The following PCDHA7 variants were observed in gnomAD, a reference collection of about 807,000 sequenced individuals.
PCDHA7 encodes protocadherin alpha 7, also known as protocadherin alpha-7.
A neutral mutation model predicts 57.2 loss-of-function variants in PCDHA7; 37 were observed. The observed-to-expected ratio is 0.65, with a 90% CI of 0.50 to 0.85. The LOEUF (loss-of-function observed/expected upper bound fraction) is 0.85, where lower values mean the gene tolerates loss of function less well. PCDHA7 is among the 40% of genes least tolerant of loss of function. The probability of loss-of-function intolerance (pLI) is 0.00; values close to 1 mark genes in which losing one functional copy is unlikely to be tolerated. For synonymous variants in PCDHA7, 553 were observed against 558.8 expected, an observed-to-expected ratio of 0.99 and a Z score of 0.15; for missense variants, 1,188 against 1,241.8, an observed-to-expected ratio of 0.96 and a Z score of 0.65.
At chr5:140,992,038 TG>T (rs2097488764) in intron 3 of PCDHA7, among the ~76,000 whole-genome samples, 1 of 151,828 alleles carries the variant, frequency 6.6e-6, no homozygotes, top group African/African-American at 2.4e-5. Context: ...TGTGTGTGTG[TG>T]TGTGTGTGTG....
rs1254354370 is a variant in PCDHA7, at chr5:140,853,174, T to C, written c.2355+16436T>C. Reference sequence around the variant, plus strand: ...GATTACAGGCGTGAGCCACCGCGCCTGGCCTAAAATGTGTTCTTTATTATT... The same window carrying C: ...GATTACAGGCGTGAGCCACCGCGCCCGGCCTAAAATGTGTTCTTTATTATT... On this transcript the variant is annotated intron_variant, in intron 1 of 3. Coordinates refer to ENST00000525929, the MANE Select transcript of PCDHA7 (RefSeq NM_018910.3). 56 of 970,124 alleles carry C rather than the reference T, an allele frequency of 5.8e-5. 5 individuals carry two copies. Among genetic ancestry groups the C allele is most frequent in the Non-Finnish European group, 6.7e-5 (54 of 803,994 alleles). 60.1% of individuals were successfully genotyped at this position (970,124 alleles called of 1,614,324 possible). A position where few individuals can be genotyped will look rare whatever the true frequency, so the allele number is the denominator to read the frequency against.
At chr5:140,882,252 G>C (rs782433822) in intron 1 of PCDHA7, 1 of 1,597,600 alleles carries the variant, frequency 6.3e-7, no homozygotes, top group Non-Finnish European at 8.5e-7. Context: ...ATAGCTCTGA[G>C]GTTTTTGGAG....
At chr5:140,923,299 G>A (rs921157994) in intron 1 of PCDHA7, among the ~76,000 whole-genome samples, 17 of 152,330 alleles carry the variant, frequency 1.1e-4, no homozygotes, top group Middle Eastern at 3.4e-3. Context: ...TTAGCTGGGC[G>A]TGGGGGCGCT....
At chr5:140,854,696 T>C (rs190246288) in intron 1 of PCDHA7, 1 of 150,200 alleles carries the variant, frequency 6.7e-6, no homozygotes, top group East Asian at 1.9e-4. Flanking sequence ...TTGTTAAGTT[T>C]TCCTTTCTTG....
intron 3 of PCDHA7, among the ~76,000 whole-genome samples, chr5:140,984,944 TC>T (rs1554246626): frequency 6.6e-6 from 1 of 151,930 alleles, no homozygotes; most frequent in Non-Finnish European, 1.5e-5. Flanking sequence ...AAATGTCTAA[TC>T]TTTTTTTTTT....
At chr5:140,949,237 A>G (rs1239213091) in intron 1 of PCDHA7, among the ~76,000 whole-genome samples, 1 of 151,790 alleles carries the variant, frequency 6.6e-6, no homozygotes, top group South Asian at 2.1e-4. Context: ...GTGGCCCAGC[A>G]ACAGTCTATC....
chr5:140,835,535 G>A lies in PCDHA7; in HGVS notation c.1152G>A (p.Gln384=). Residue 384 remains glutamine (Q), a synonymous_variant, in exon 1 of 4, where the codon CAG becomes CAA. Transcript: ENST00000525929. ...ACCGAGATTTTGGAGTCAACGGACA[G>A]GTTACCTGCTCCCTGACGCCCCGCG... The part of the protein sequence containing the change: ...VFDRDFGVNG[Q]VTCSLTPRVP... 1.9e-6 allele frequency: 3 copies of A among 1,613,958 alleles called. No homozygotes were observed. Among genetic ancestry groups the A allele is most frequent in the Non-Finnish European group, 2.5e-6 (3 of 1,179,872 alleles).
At chr5:141,004,580 A>T (rs782539696) in intron 3 of PCDHA7, among the ~76,000 whole-genome samples, 1 of 152,222 alleles carries the variant, frequency 6.6e-6, no homozygotes, top group Non-Finnish European at 1.5e-5. Context: ...TGTGTTCTGC[A>T]TCTCCAGATG....
rs1310762753 is a variant in PCDHA7, at chr5:140,855,371, T to A, written c.2355+18633T>A. Among the ~76,000 whole-genome samples, 3 of 149,996 alleles carry A rather than the reference T, an allele frequency of 2.0e-5. 1 individual carries two copies. Among genetic ancestry groups the A allele is most frequent in the African/African-American group, 7.3e-5 (3 of 40,926 alleles). On this transcript the variant is annotated intron_variant, in intron 1 of 3. Transcript: ENST00000525929. ...GTCATGTGGCTAGTGAGTAGGATAATAGGAATCTAAATGGAGAAATGTCTG... is the reference window on the plus strand; with the variant it reads ...GTCATGTGGCTAGTGAGTAGGATAAAAGGAATCTAAATGGAGAAATGTCTG...
chr5:140,969,069 T>G, intron 1 of PCDHA7: 1 of 1,614,160 alleles, frequency 6.2e-7, no homozygotes, highest in Non-Finnish European at 8.5e-7. Flanking sequence ...GATGCCAGGA[T>G]ACCGCATGGC....
At position 140,834,742 on chromosome 5, in the gene PCDHA7, A is replaced by T; in HGVS notation, c.359A>T (p.Asp120Val). 1.2e-6 allele frequency: 2 copies of T among 1,614,196 alleles called. No individual in the cohort carries two copies. The highest frequency in any genetic ancestry group is 1.7e-6 in the Non-Finnish European group (2 of 1,180,042). The change falls in exon 1 of 4, where the codon GAC (aspartate) becomes GTC (valine). Residue 120 changes from aspartate to valine, a missense_variant. By Grantham distance (152) the Asp-to-Val change is radical (BLOSUM62 -3). Coordinates refer to ENST00000525929, the MANE Select transcript of PCDHA7 (RefSeq NM_018910.3). The stretch of plus-strand genomic sequence containing the variant: ...AGGCCGCTGCAGGTTTTCCATGTGG[A>T]CGTGGAGGTGAAGGACATTAACGAC... ...VERPLQVFHVDVEVKDINDNP... is the reference protein window; with the variant it reads ...VERPLQVFHVVVEVKDINDNP...
intron 1 of PCDHA7, among the ~76,000 whole-genome samples, chr5:140,913,742 T>C (rs2153527691): frequency 6.6e-6 from 1 of 152,276 alleles, no homozygotes; most frequent in Non-Finnish European, 1.5e-5. Flanking sequence ...ATAGTACTCC[T>C]TTTGTTGTAT....
chr5:140,843,736 A>T (rs1779068159), intron 1 of PCDHA7: 1 of 1,547,354 alleles, frequency 6.5e-7, no homozygotes, highest in African/African-American at 1.4e-5. Context: ...TTAAATTTAG[A>T]ACTCATAAAT....
chr5:140,870,932 T>C (rs1428252254), intron 1 of PCDHA7: 1 of 1,613,824 alleles, frequency 6.2e-7, no homozygotes, highest in South Asian at 1.1e-5. Context: ...TCATATGAAT[T>C]GCAGCCGGCG....
In PCDHA7 at chr5:140,835,618, C is replaced by G; in HGVS notation, c.1235C>G (p.Ala412Gly). 1 of 1,613,946 alleles carries G rather than the reference C, an allele frequency of 6.2e-7. No individual in the cohort carries two copies. The highest frequency in any genetic ancestry group is 8.5e-7 in the Non-Finnish European group (1 of 1,179,892). The change falls in exon 1 of 4, where the codon GCT becomes GGT. Residue 412 changes from alanine (A) to glycine (G), a missense_variant. Ala to Gly is a moderately conservative substitution (Grantham distance 60). This residue lies in a region of PCDHA7 where 892 missense variants were observed against 788.5 expected (regional missense o/e 1.13). Transcript: ENST00000525929. ...KNYYSLVLDS[A>G]LDRESVSAYE... The stretch of plus-strand genomic sequence containing the variant: ...TACTATTCATTGGTGCTGGACAGCG[C>G]TCTGGACCGCGAGAGTGTGTCCGCC...
rs2150230368 is a variant in PCDHA7, at chr5:140,835,064, A to G, written c.681A>G (p.Gln227=). 2 of 1,216,012 alleles carry G rather than the reference A, an allele frequency of 1.6e-6. No individual in the cohort carries two copies. Among genetic ancestry groups the G allele is most frequent in the East Asian group, 2.6e-5 (1 of 38,488 alleles). 75.3% of individuals were successfully genotyped at this position (1,216,012 alleles called of 1,614,324 possible). Residue 227 remains glutamine, a synonymous_variant, in exon 1 of 4, where the codon CAA becomes CAG. Coordinates refer to ENST00000525929, the MANE Select transcript of PCDHA7 (RefSeq NM_018910.3). Reference sequence around the variant, plus strand: ...AACCCGAGCTGACTGGCACCGTTCAATTACTCATCACGGTACTGGACAACA... The same window carrying G: ...AACCCGAGCTGACTGGCACCGTTCAGTTACTCATCACGGTACTGGACAACA... ...GGKPELTGTV[Q]LLITVLDNND...
intron 1 of PCDHA7, among the ~76,000 whole-genome samples, chr5:140,950,022 A>T (rs1355491628): frequency 6.6e-6 from 1 of 151,918 alleles, no homozygotes; most frequent in Non-Finnish European, 1.5e-5. Context: ...CCTTCATAAA[A>T]TATAGAAAAG....
In PCDHA7 at chr5:140,876,565, G is replaced by C. The variant is rs371696514; in HGVS notation, c.2355+39827G>C. 63 of 1,614,064 alleles carry C rather than the reference G, an allele frequency of 3.9e-5. No homozygotes were observed. In the Middle Eastern group the frequency reaches 4.9e-4, roughly 13 times the overall value. On this transcript the variant is annotated intron_variant, in intron 1 of 3. Transcript: ENST00000525929. ...GCTCCCTGTGCAAGAGGATGCTCAG[G>C]TGGGTACCGTCATTGCCCTGATTAG...
At chr5:140,837,652 CCTTTTTCTTTCATT>C (rs2150143290) in intron 1 of PCDHA7, among the ~76,000 whole-genome samples, 1 of 148,754 alleles carries the variant, frequency 6.7e-6, no homozygotes, top group South Asian at 2.1e-4. Flanking sequence ...TTTCTTTCTT[CCTTTTTCTTTCATT>C]CTTTTTCTTT....
Sources: allele counts gnomAD v4.1 joint callset (sites outside exome capture counted in the v4.1 genomes callset), GRCh38; gene constraint gnomAD v4.1.1; regional missense constraint gnomAD v4.1.1; transcripts MANE v1.5; gene names NCBI Gene and HGNC (gene_info 2026-07-23, HGNC 2026-07-21).